The following CACNA1C variants were observed in gnomAD, a reference collection of about 807,000 sequenced individuals.
CACNA1C encodes voltage-dependent L-type calcium channel subunit alpha-1C.
A neutral mutation model predicts 229.0 loss-of-function variants in CACNA1C; 30 were observed. The ratio of observed to expected loss-of-function variants is 0.13; its 90% CI spans 0.10 to 0.18. The LOEUF (loss-of-function observed/expected upper bound fraction) is 0.18, where lower values mean the gene tolerates loss of function less well. Among genes scored for constraint, CACNA1C ranks in the 10% least tolerant of loss-of-function variants. The pLI, the probability that CACNA1C is intolerant of heterozygous loss-of-function variation, is 1.00. For missense variants in CACNA1C, 1,658 were observed against 2,845.0 expected, an observed-to-expected ratio of 0.58 and a Z score of 9.49; for synonymous variants, 1,114 against 1,132.5, an observed-to-expected ratio of 0.98 and a Z score of 0.33.
intron 3 of CACNA1C, among the ~76,000 whole-genome samples, chr12:2,238,290 C>A (rs555211599): frequency 6.6e-6 from 1 of 152,204 alleles, no homozygotes; most frequent in Non-Finnish European, 1.5e-5. Context: ...GACCTTCCCA[C>A]GGAAATAACG....
chr12:2,624,715 AC>A (rs1403108311), intron 29 of CACNA1C, among the ~76,000 whole-genome samples: 1 of 151,982 alleles, frequency 6.6e-6, no homozygotes, highest in African/African-American at 2.4e-5. Flanking sequence ...GGCCAGTGTC[AC>A]CCCCTCTCTA....
In CACNA1C at chr12:2,666,066, A is replaced by G. The variant is rs2096075105; in HGVS notation, c.4526+358A>G. 6.6e-6 allele frequency among the ~76,000 whole-genome samples: 1 copy of G among 152,176 alleles called. No individual in the cohort carries two copies. The highest frequency in any genetic ancestry group is 1.5e-5 in the Non-Finnish European group (1 of 68,016). ...TAGCCGGACATGGTGGCACATGCCTATAATCCCAGCTACTCAGGAGGCCAA... is the reference window on the plus strand; with the variant it reads ...TAGCCGGACATGGTGGCACATGCCTGTAATCCCAGCTACTCAGGAGGCCAA... On this transcript the variant is annotated intron_variant, in intron 36 of 46. Coordinates refer to ENST00000399655, the MANE Select transcript of CACNA1C (RefSeq NM_000719.7). The surrounding 1 kb of genome is among the most constrained non-coding windows in gnomAD (Gnocchi z 5.3).
At chr12:2,243,197 T>C (rs941975737) in intron 3 of CACNA1C, among the ~76,000 whole-genome samples, 3 of 152,232 alleles carry the variant, frequency 2.0e-5, no homozygotes, top group African/African-American at 4.8e-5. Flanking sequence ...ACCATGGTAA[T>C]TGAGCTCTGA....
intron 18 of CACNA1C, among the ~76,000 whole-genome samples, chr12:2,591,111 G>T (rs2065101182): frequency 6.6e-6 from 1 of 152,290 alleles, no homozygotes; most frequent in African/African-American, 2.4e-5. Flanking sequence ...CCTAGGGAAA[G>T]AATCTGATTG....
chr12:2,171,110 TG>T (rs1205970471), intron 3 of CACNA1C, among the ~76,000 whole-genome samples: 2 of 152,170 alleles, frequency 1.3e-5, no homozygotes, highest in Non-Finnish European at 2.9e-5. Context: ...CCTGAATAGG[TG>T]AGGTGGACTC....
At chr12:2,367,739 A>T (rs1238672954) in intron 3 of CACNA1C, among the ~76,000 whole-genome samples, 1 of 152,224 alleles carries the variant, frequency 6.6e-6, no homozygotes. Context: ...ATTAATAAGG[A>T]AACATAATAG....
chr12:2,596,818 G>A (rs1021316185), intron 20 of CACNA1C, among the ~76,000 whole-genome samples: 4 of 152,144 alleles, frequency 2.6e-5, no homozygotes. Flanking sequence ...CAACGTGAGC[G>A]AAGCATTTTG....
In CACNA1C at chr12:2,544,170, G is replaced by T. The variant is rs554317612; in HGVS notation, c.1391-5773G>T. Among the ~76,000 whole-genome samples the T allele has an allele frequency of 4.0e-4, 61 of 151,702 alleles. 1 individual carries two copies. In the South Asian group the frequency reaches 0.012, roughly 31 times the overall value. On this transcript the variant is annotated intron_variant, in intron 9 of 46. Transcript: ENST00000399655. Reference sequence around the variant, plus strand: ...AGTGAAAAAAAAAAAAAAACCTGCCGGTTATGAAGTTTCTGTTCCACACTT... The same window carrying T: ...AGTGAAAAAAAAAAAAAAACCTGCCTGTTATGAAGTTTCTGTTCCACACTT...
intron 3 of CACNA1C, among the ~76,000 whole-genome samples, chr12:2,132,625 T>C (rs1379236381): frequency 2.3e-5 from 1 of 43,550 alleles, no homozygotes; most frequent in Non-Finnish European, 4.1e-5. Context: ...TTGCGTATAT[T>C]GAACCAGCCT....
chr12:2,375,990 C>T (rs897614748), intron 3 of CACNA1C, among the ~76,000 whole-genome samples: 7 of 152,200 alleles, frequency 4.6e-5, no homozygotes, highest in Non-Finnish European at 1.0e-4. Context: ...AACCAAACAA[C>T]GAAGCAAGCA....
At position 2,324,582 on chromosome 12, in the gene CACNA1C, GC is replaced by G. The variant is rs1567058131; in HGVS notation, c.478-124393del. 7.9e-5 allele frequency among the ~76,000 whole-genome samples: 12 copies of G among 152,372 alleles called. No individual in the cohort carries two copies. The South Asian group carries it at 2.5e-3, about 32-fold the overall frequency. ...AGAAAAGGCTCCCTGAGCTGCACCT[GC>G]TGGAGCAGGCATGCTGCCAGGACCC... On this transcript the variant is annotated intron_variant, in intron 3 of 46. Transcript: ENST00000399655.
chr12:2,258,559 C>A (rs2078864670), intron 3 of CACNA1C, among the ~76,000 whole-genome samples: 1 of 152,058 alleles, frequency 6.6e-6, no homozygotes, highest in African/African-American at 2.4e-5. Flanking sequence ...AACCTGAGGT[C>A]CATAAAAACC....
chr12:2,331,981 G>A (rs1053826039), intron 3 of CACNA1C, among the ~76,000 whole-genome samples: 1 of 152,032 alleles, frequency 6.6e-6, no homozygotes, highest in South Asian at 2.1e-4. Flanking sequence ...AATTTTTTTT[G>A]GTATAAAGGG....
chr12:2,638,806 T>C (rs1004952879), intron 30 of CACNA1C, among the ~76,000 whole-genome samples: 1 of 152,170 alleles, frequency 6.6e-6, no homozygotes, highest in African/African-American at 2.4e-5. Flanking sequence ...GGAGGCGGGC[T>C]GGAGGCGGGG....
At position 2,493,479 on chromosome 12, in the gene CACNA1C, G is replaced by A; in HGVS notation, c.1113+93G>A. 3 of 929,116 alleles carry A rather than the reference G, an allele frequency of 3.2e-6. No individual in the cohort carries two copies. Among genetic ancestry groups the A allele is most frequent in the Non-Finnish European group, 5.2e-6 (3 of 576,028 alleles). The allele number at this position is 929,116 out of a possible 1,614,324, so 57.6% of individuals were successfully genotyped here. A position where few individuals can be genotyped will look rare whatever the true frequency, so the allele number is the denominator to read the frequency against. On this transcript the variant is annotated intron_variant, in intron 7 of 46. Transcript: ENST00000399655. The surrounding 1 kb of genome is among the most constrained non-coding windows in gnomAD (Gnocchi z 4.6). ...CCTTTCTCCTCCTCCCCATGGTCTT[G>A]GGGTCACATACGCATCTTGATGGAA...
At chr12:2,021,472 A>G (rs1307628160) in intron 1 of CACNA1C, among the ~76,000 whole-genome samples, 1 of 152,098 alleles carries the variant, frequency 6.6e-6, no homozygotes, top group Non-Finnish European at 1.5e-5. Flanking sequence ...TGAGGTCAGG[A>G]GTTTGAGACC....
At chr12:2,480,680 C>G (rs1210405236) in intron 5 of CACNA1C, among the ~76,000 whole-genome samples, 1 of 152,228 alleles carries the variant, frequency 6.6e-6, no homozygotes, top group African/African-American at 2.4e-5. Context: ...CTTGTACCCA[C>G]CAACCCCCTA....
At chr12:2,187,043 G>A (rs1432207279) in intron 3 of CACNA1C, among the ~76,000 whole-genome samples, 2 of 148,480 alleles carry the variant, frequency 1.3e-5, no homozygotes, top group Admixed American at 6.6e-5. Context: ...CCCATCCCTC[G>A]GTGCTCAGCT....
intron 1 of CACNA1C, among the ~76,000 whole-genome samples, chr12:2,009,170 T>C (rs1256946124): frequency 3.9e-5 from 6 of 152,236 alleles, no homozygotes; most frequent in African/African-American, 1.4e-4. Context: ...ATTGTCATTA[T>C]GAGATTAAAC....
Sources: gnomAD v4.1 joint callset for allele counts (sites outside exome capture counted in the v4.1 genomes callset) on GRCh38, gnomAD v4.1.1 for gene constraint, Gnocchi (gnomAD v3.1) non-coding constraint, MANE v1.5 for transcripts, NCBI Gene and HGNC (gene_info 2026-07-23, HGNC 2026-07-21) for gene names.